ADARB2: variants seen among roughly 807,000 people sequenced by gnomAD.
ADARB2 encodes the protein adenosine deaminase RNA specific B2 (inactive).
A neutral mutation model predicts 62.2 loss-of-function variants in ADARB2; 25 were observed. The ratio of observed to expected loss-of-function variants is 0.40; its 90% CI spans 0.29 to 0.56. The LOEUF (loss-of-function observed/expected upper bound fraction) is 0.56. Among genes scored for constraint, ADARB2 ranks in the 20% least tolerant of loss-of-function variants. The pLI is 0.43. For synonymous variants in ADARB2, 572 were observed against 500.8 expected, an observed-to-expected ratio of 1.14 and a Z score of -1.90; for missense variants, 1,071 against 1,077.4, an observed-to-expected ratio of 0.99 and a Z score of 0.08.
intron 3 of ADARB2, among the ~76,000 whole-genome samples, chr10:1,303,078 C>A (rs1317835805): frequency 2.6e-5 from 4 of 152,084 alleles, no homozygotes; most frequent in African/African-American, 9.7e-5. Context: ...TCAAATTACT[C>A]TGAGCTACGG....
intron 1 of ADARB2, among the ~76,000 whole-genome samples, chr10:1,591,009 G>A (rs541767399): frequency 2.2e-3 from 336 of 152,346 alleles, no homozygotes; most frequent in Non-Finnish European, 3.8e-3. Context: ...ATGCCACGCT[G>A]GGCTCCGCAA....
intron 7 of ADARB2, chr10:1,200,512 AAATGG>A (rs1203937377): frequency 2.2e-6 from 1 of 450,098 alleles, no homozygotes; most frequent in South Asian, 6.2e-5. Flanking sequence ...GAAATACTAT[AAATGG>A]AATTTGTTTA....
chr10:1,223,388 T>C (rs1295696705), intron 6 of ADARB2, among the ~76,000 whole-genome samples: 10 of 152,132 alleles, frequency 6.6e-5, no homozygotes, highest in South Asian at 6.2e-4. Context: ...TTCCTCTTTT[T>C]CTAATTGAAT....
In ADARB2 at chr10:1,541,114, C is replaced by G. The variant is rs535346645; in HGVS notation, c.101-161954G>C. ...ACCCTGGATCACAGCCGTCCAGACC[C>G]CACTCAGACGCAGTTCAGACCCTGG... On this transcript the variant is annotated intron_variant, in intron 1 of 9. Coordinates refer to ENST00000381312, the MANE Select transcript of ADARB2 (RefSeq NM_018702.4). Among the ~76,000 whole-genome samples the G allele has an allele frequency of 3.2e-5, 3 of 92,590 alleles. 1 individual carries two copies. Among genetic ancestry groups the G allele is most frequent in the South Asian group, 7.4e-4 (2 of 2,712 alleles). The allele number at this position is 92,590 out of a possible 152,430, so 60.7% of individuals were successfully genotyped here.
At chr10:1,306,583 A>G (rs1160368029) in intron 3 of ADARB2, among the ~76,000 whole-genome samples, 1 of 150,450 alleles carries the variant, frequency 6.6e-6, no homozygotes, top group Non-Finnish European at 1.5e-5. Context: ...TGGAACCAAA[A>G]AAGAGCCCGC....
intron 4 of ADARB2, among the ~76,000 whole-genome samples, chr10:1,263,961 G>T (rs566457376): frequency 1.3e-5 from 2 of 152,138 alleles, no homozygotes; most frequent in Non-Finnish European, 2.9e-5. Context: ...GGTCAGCACC[G>T]GTTTAGTGAA....
intron 1 of ADARB2, among the ~76,000 whole-genome samples, chr10:1,541,576 TCACAG>T (rs1266695837): frequency 4.1e-5 from 1 of 24,232 alleles, no homozygotes; most frequent in African/African-American, 3.0e-4. Flanking sequence ...GGACCCTGGA[TCACAG>T]CCGCCCAGAC....
intron 2 of ADARB2, among the ~76,000 whole-genome samples, chr10:1,375,215 C>A (rs111482706): frequency 4.7e-4 from 71 of 152,314 alleles, no homozygotes; most frequent in African/African-American, 1.5e-3. Context: ...AGAACTGGGT[C>A]GGATCCCAAC....
chr10:1,525,680 C>T (rs943754269), intron 1 of ADARB2, among the ~76,000 whole-genome samples: 1 of 152,118 alleles, frequency 6.6e-6, no homozygotes, highest in East Asian at 1.9e-4. Context: ...CAGAAGACGC[C>T]CACCATTTGC....
In ADARB2 at chr10:1,266,518, G is replaced by C. The variant is rs1457467372; in HGVS notation, c.1192+4437C>G. ...TGGCGCTGTGGTGGGGGGTGGGGGG[G>C]GGGCCGTGCCCACAAATCCTAAGGA... is the stretch of plus-strand genomic sequence containing the variant. On this transcript the variant is annotated intron_variant, in intron 4 of 9. Coordinates refer to ENST00000381312, the MANE Select transcript of ADARB2 (RefSeq NM_018702.4). Among the ~76,000 whole-genome samples, 4 of 150,800 alleles carry C rather than the reference G, an allele frequency of 2.7e-5. No homozygotes were observed. The East Asian group carries it at 7.8e-4, about 29-fold the overall frequency.
chr10:1,561,286 G>A lies in ADARB2; in HGVS notation c.100+175765C>T, dbSNP rs945094597. 3.9e-5 allele frequency among the ~76,000 whole-genome samples: 6 copies of A among 152,310 alleles called. No homozygotes were observed. In the South Asian group the frequency reaches 1.2e-3, roughly 32 times the overall value. ...ATTGGCACGTGTGCCCTGGCTGCGG[G>A]ACTGGATGTCATAGACCCAGACAAC... On this transcript the variant is annotated intron_variant, in intron 1 of 9. Coordinates refer to ENST00000381312, the MANE Select transcript of ADARB2 (RefSeq NM_018702.4).
Position 1,733,601 on chromosome 10 carries a change from C to T in ADARB2, c.100+3450G>A, listed in dbSNP as rs544521550. ...ATATACTCTACTGTTTTGTTGAGTT[C>T]TGCCTCTTAATCTACCTGGTTGAAC... On this transcript the variant is annotated intron_variant, in intron 1 of 9. Transcript: ENST00000381312. 1.3e-4 allele frequency among the ~76,000 whole-genome samples: 20 copies of T among 152,164 alleles called. No individual in the cohort carries two copies. The South Asian group carries it at 4.1e-3, about 32-fold the overall frequency.
intron 1 of ADARB2, among the ~76,000 whole-genome samples, chr10:1,623,200 A>G (rs1833727716): frequency 6.6e-6 from 1 of 152,228 alleles, no homozygotes; most frequent in African/African-American, 2.4e-5. Flanking sequence ...AACATCATTA[A>G]ATAAATGAAA....
At chr10:1,215,322 G>A (rs923822679) in intron 7 of ADARB2, among the ~76,000 whole-genome samples, 2 of 152,198 alleles carry the variant, frequency 1.3e-5, no homozygotes, top group African/African-American at 4.8e-5. Context: ...ATTTTACGGG[G>A]GCTGGCTGTG....
chr10:1,690,812 G>A (rs1834660021), intron 1 of ADARB2, among the ~76,000 whole-genome samples: 1 of 152,248 alleles, frequency 6.6e-6, no homozygotes, highest in South Asian at 2.1e-4. Flanking sequence ...ACTGTCATTC[G>A]GCTTGGCCGG....
chr10:1,670,807 G>T (rs1341868933), intron 1 of ADARB2, among the ~76,000 whole-genome samples: 1 of 152,226 alleles, frequency 6.6e-6, no homozygotes, highest in Non-Finnish European at 1.5e-5. Flanking sequence ...GGCCCTGCCT[G>T]GTTCTGTAAG....
At chr10:1,419,517 T>C (rs1039203191) in intron 1 of ADARB2, among the ~76,000 whole-genome samples, 10 of 152,202 alleles carry the variant, frequency 6.6e-5, no homozygotes, top group East Asian at 1.9e-4. Flanking sequence ...AACCGAGTTA[T>C]AGCAAAACCA....
rs376211578 is a variant in ADARB2, at chr10:1,335,758, C to T, written c.1077+27270G>A. On this transcript the variant is annotated intron_variant, in intron 3 of 9. Coordinates refer to ENST00000381312, the MANE Select transcript of ADARB2 (RefSeq NM_018702.4). The stretch of plus-strand genomic sequence containing the variant: ...ATACTCTGTCACTTTTCTCTGATTT[C>T]AAAAGCCATCAAAGCAGAATGTGCA... 2.0e-4 allele frequency among the ~76,000 whole-genome samples: 30 copies of T among 152,310 alleles called. 1 individual carries two copies. In the South Asian group the frequency reaches 6.0e-3, roughly 31 times the overall value.
chr10:1,647,803 T>C (rs1016400837), intron 1 of ADARB2, among the ~76,000 whole-genome samples: 59 of 87,364 alleles, frequency 6.8e-4, no homozygotes, highest in African/African-American at 1.8e-3. Context: ...CATGTGTATA[T>C]GTGTGTGTGT....
Sources: gnomAD v4.1 joint callset for allele counts (sites outside exome capture counted in the v4.1 genomes callset) on GRCh38, gnomAD v4.1.1 for gene constraint, MANE v1.5 for transcripts, NCBI Gene and HGNC (gene_info 2026-07-23, HGNC 2026-07-21) for gene names.